ZNF800: variants seen among roughly 807,000 people sequenced by gnomAD.
ZNF800 encodes zinc finger protein 800.
Under a neutral mutation model 59.5 loss-of-function variants are expected in ZNF800, and 13 were observed. That is an observed-to-expected ratio of 0.22 (90% CI 0.14 to 0.35). The LOEUF (loss-of-function observed/expected upper bound fraction) is 0.35, where lower values mean the gene tolerates loss of function less well. ZNF800 is among the 10% of genes least tolerant of loss of function. ZNF800 has a pLI of 1.00. For missense variants in ZNF800, 621 were observed against 783.7 expected (o/e 0.79, Z 2.48); for synonymous variants, 266 against 265.7 (o/e 1.00, Z -0.01).
At position 127,373,770 on chromosome 7, in the gene ZNF800, A is replaced by C. The variant is rs763991871; in HGVS notation, c.1566T>G (p.Pro522=). 1.2e-6 allele frequency: 2 copies of C among 1,614,168 alleles called. No homozygotes were observed. The highest frequency in any genetic ancestry group is 2.2e-5 in the South Asian group (2 of 91,082). The change falls in exon 5 of 6, where the codon CCT becomes CCG. Residue 522 remains proline (P), a synonymous_variant. Coordinates refer to ENST00000265827, the MANE Select transcript of ZNF800 (RefSeq NM_176814.5). ...TCCGACGAGTTTCATAAGTGCAAAG[A>C]GGACACTTGTAGAATTTAACATAAA... ...NNIYVKFYKC[P]LCTYETRRKR... is the part of the protein sequence containing the mutation.
chr7:127,343,715 C>A (rs1380432767), downstream of ZNF800, among the ~76,000 whole-genome samples: 4 of 151,516 alleles, frequency 2.6e-5, no homozygotes, highest in Non-Finnish European at 5.9e-5. Context: ...AATATAAATG[C>A]AATAATCCAA....
At position 127,370,189 on chromosome 7, in the gene ZNF800, A is replaced by G. The variant is rs994873361; in HGVS notation, c.*1625T>C. On this transcript the variant is annotated 3_prime_UTR_variant, in exon 6 of 6. Coordinates refer to ENST00000265827, the MANE Select transcript of ZNF800 (RefSeq NM_176814.5). ...AAGTACAAATTTTCAATATGTGGGAAAGTAAATCTGTTTTTAAATTAAAGA... is the reference window on the plus strand; with the variant it reads ...AAGTACAAATTTTCAATATGTGGGAGAGTAAATCTGTTTTTAAATTAAAGA... 1 of 152,184 alleles carries G rather than the reference A, an allele frequency of 6.6e-6. No homozygotes were observed. Among genetic ancestry groups the G allele is most frequent in the Non-Finnish European group, 1.5e-5 (1 of 68,006 alleles). 9.4% of individuals were successfully genotyped at this position (152,184 alleles called of 1,614,324 possible).
In ZNF800 at chr7:127,377,697, C is replaced by A. The variant is rs1800825232; in HGVS notation, c.158-368G>T. On this transcript the variant is annotated intron_variant, in intron 3 of 5. Coordinates refer to ENST00000265827, the MANE Select transcript of ZNF800 (RefSeq NM_176814.5). The surrounding 1 kb of genome is among the most constrained non-coding windows in gnomAD (Gnocchi z 4.7). ...CAGATTTAATAGATTTGGAGTAGGA[C>A]AGAAAAATTAAATGTTCCCCCATTA... is the stretch of plus-strand genomic sequence containing the variant. Among the ~76,000 whole-genome samples the A allele has an allele frequency of 6.6e-6, 1 of 152,016 alleles. No individual in the cohort carries two copies. The highest frequency in any genetic ancestry group is 2.1e-4 in the South Asian group (1 of 4,832).
chr7:127,391,275 A>G (rs1801303270), intron 2 of ZNF800, among the ~76,000 whole-genome samples: 1 of 152,206 alleles, frequency 6.6e-6, no homozygotes, highest in Non-Finnish European at 1.5e-5. Flanking sequence ...GATCTTGTGG[A>G]AATGATTTAA....
chr7:127,361,469 T>TG (rs1383108353), intron 1 of ZNF800: 1 of 152,004 alleles, frequency 6.6e-6, no homozygotes, highest in East Asian at 1.9e-4. Flanking sequence ...GTATCCCAGC[T>TG]ACTCAGGAAG....
intron 3 of ZNF800, among the ~76,000 whole-genome samples, chr7:127,382,329 A>G (rs1029530990): frequency 6.6e-6 from 1 of 152,190 alleles, no homozygotes; most frequent in African/African-American, 2.4e-5. Flanking sequence ...TATTGAACTC[A>G]ACTAAACCAA....
At chr7:127,380,187 C>T (rs1387651677) in intron 3 of ZNF800, among the ~76,000 whole-genome samples, 1 of 152,066 alleles carries the variant, frequency 6.6e-6, no homozygotes, top group Non-Finnish European at 1.5e-5. Context: ...GATATCTATA[C>T]TAGCTTATCC....
intron 5 of ZNF800, 117 bp downstream of exon 5, chr7:127,373,225 C>A (rs1463138834): frequency 6.7e-7 from 1 of 1,485,704 alleles, no homozygotes; most frequent in African/African-American, 1.4e-5. Context: ...TTCCCATTGC[C>A]ATGAGATATA....
chr7:127,391,520 T>A lies in ZNF800; in HGVS notation c.38A>T (p.His13Leu), dbSNP rs780039981. ...ACCTGGTTCACAGCATCCGTGATGA[T>A]GGTGGTCAGTCTGACAGTATTTGTC... ...LRDKYCQTDH[H>L]HHGCCEPVYI... Residue 13 changes from histidine (H) to leucine (L), a missense_variant, in exon 2 of 6, where the codon CAT becomes CTT. Physicochemically the swap from His to Leu is moderately conservative, Grantham distance 99 (BLOSUM62 -3). Transcript: ENST00000265827. 1 of 1,614,170 alleles carries A rather than the reference T, an allele frequency of 6.2e-7. No individual in the cohort carries two copies. The highest frequency in any genetic ancestry group is 2.2e-5 in the East Asian group (1 of 44,872).
intron 5 of ZNF800, 30 bp from the exon 6 acceptor site, chr7:127,371,844 T>C: frequency 1.3e-6 from 1 of 759,788 alleles, no homozygotes. Context: ...AATGAACACT[T>C]TTGAGTTTAC....
At chr7:127,365,196 G>C (rs17865444), downstream of ZNF800, among the ~76,000 whole-genome samples, 635 of 152,238 alleles carry the variant, frequency 4.2e-3, 5 homozygotes, top group African/African-American at 0.015. Flanking sequence ...CCATGAGTCT[G>C]AACCTGTCAC....
intron 1 of ZNF800, among the ~76,000 whole-genome samples, chr7:127,358,858 G>C (rs1202583765): frequency 6.6e-6 from 1 of 152,078 alleles, no homozygotes; most frequent in Admixed American, 6.6e-5. Context: ...AATGAAATAA[G>C]TCAATGTAAG....
At chr7:127,368,130 A>T (rs1200884856), downstream of ZNF800, among the ~76,000 whole-genome samples, 2 of 152,138 alleles carry the variant, frequency 1.3e-5, no homozygotes, top group Non-Finnish European at 2.9e-5. Flanking sequence ...AAACTAGAAG[A>T]AGAAAAGGCA....
Position 127,392,591 on chromosome 7 carries a change from T to C in ZNF800, c.-590A>G, listed in dbSNP as rs936508550. ...TAGTTGTTGTTTCAGGAAACTTTATTAAGTCAGCCTCTCTTTTACTCTGTC... is the reference window on the plus strand; with the variant it reads ...TAGTTGTTGTTTCAGGAAACTTTATCAAGTCAGCCTCTCTTTTACTCTGTC... On this transcript the variant is annotated 5_prime_UTR_variant, in exon 1 of 6. Transcript: ENST00000265827. 1 of 202,632 alleles carries C rather than the reference T, an allele frequency of 4.9e-6. No homozygotes were observed. The allele number at this position is 202,632 out of a possible 1,614,324, so 12.6% of individuals were successfully genotyped here.
In ZNF800 at chr7:127,384,705, T is replaced by C. The variant is rs534234828; in HGVS notation, c.157+1355A>G. The stretch of plus-strand genomic sequence containing the variant: ...AGAAAGAACCAAAAAAACCCTTTAA[T>C]CTCTATTCTAAAAGAAGCTAAAACA... On this transcript the variant is annotated intron_variant, in intron 3 of 5. Transcript: ENST00000265827. Among the ~76,000 whole-genome samples, 207 of 152,224 alleles carry C rather than the reference T, an allele frequency of 1.4e-3. 1 individual carries two copies. The highest frequency in any genetic ancestry group is 4.6e-3 in the African/African-American group (192 of 41,544).
At chr7:127,373,221 T>C (rs1438451989) in intron 5 of ZNF800, 121 bp downstream of exon 5, 12 of 1,481,120 alleles carry the variant, frequency 8.1e-6, no homozygotes, top group African/African-American at 2.8e-5. Context: ...GCAGTTCCCA[T>C]TGCCATGAGA....
At chr7:127,376,790 T>C (rs1382152484) in intron 4 of ZNF800, among the ~76,000 whole-genome samples, 2 of 151,962 alleles carry the variant, frequency 1.3e-5, no homozygotes, top group African/African-American at 2.4e-5. Flanking sequence ...AAGGGGAATC[T>C]AAATAAGTGA....
intron 1 of ZNF800, among the ~76,000 whole-genome samples, chr7:127,359,107 T>C (rs1800341950): frequency 6.6e-6 from 1 of 152,158 alleles, no homozygotes; most frequent in Non-Finnish European, 1.5e-5. Flanking sequence ...TTAATTAACA[T>C]GTAATACAAA....
At chr7:127,345,304 CCAAAGGT>C (rs1800038819), downstream of ZNF800, among the ~76,000 whole-genome samples, 1 of 151,374 alleles carries the variant, frequency 6.6e-6, no homozygotes, top group Non-Finnish European at 1.5e-5. Flanking sequence ...GACCCCCCCC[CCAAAGGT>C]AAATAAAAAA....
Sources: gnomAD v4.1 joint callset for allele counts (sites outside exome capture counted in the v4.1 genomes callset) on GRCh38, gnomAD v4.1.1 for gene constraint, Gnocchi (gnomAD v3.1) non-coding constraint, MANE v1.5 for transcripts, NCBI Gene and HGNC (gene_info 2026-07-23, HGNC 2026-07-21) for gene names.